EXOC6: variants seen among roughly 807,000 people sequenced by gnomAD.
The protein encoded by EXOC6 is exocyst complex component 6.
In EXOC6, 60 loss-of-function variants were observed where a neutral mutation model predicts 112.5. That is an observed-to-expected ratio of 0.53 (90% CI 0.43 to 0.66). The LOEUF is 0.66. Among genes scored for constraint, EXOC6 ranks in the 30% least tolerant of loss-of-function variants. EXOC6 has a pLI of 0.00. For missense variants in EXOC6, 855 were observed against 957.1 expected (o/e 0.89, Z 1.41); for synonymous variants, 295 against 308.0 (o/e 0.96, Z 0.44).
intron 2 of EXOC6, among the ~76,000 whole-genome samples, chr10:92,894,035 TA>T (rs1849632630): frequency 6.6e-6 from 1 of 152,192 alleles, no homozygotes. Context: ...TCAGTCAGGA[TA>T]AAAAATATTT....
rs372588662 is a variant in EXOC6, at chr10:93,048,266, A to T, written c.2170-8658A>T. On this transcript the variant is annotated intron_variant, in intron 20 of 21. Coordinates refer to ENST00000260762, the MANE Select transcript of EXOC6 (RefSeq NM_019053.6). The stretch of plus-strand genomic sequence containing the variant: ...TACCCTAGAACTTAAAGTATAATAA[A>T]AAAAAAAAATCTAAGTTACATTCAA... Among the ~76,000 whole-genome samples the T allele has an allele frequency of 7.3e-5, 11 of 150,438 alleles. No individual in the cohort carries two copies. The East Asian group carries it at 1.8e-3, about 24-fold the overall frequency.
At chr10:92,994,253 G>A (rs1351709829) in intron 18 of EXOC6, among the ~76,000 whole-genome samples, 3 of 152,188 alleles carry the variant, frequency 2.0e-5, no homozygotes, top group African/African-American at 7.2e-5. Context: ...GCCATGGAAG[G>A]ATGCATATGG....
intron 1 of EXOC6, among the ~76,000 whole-genome samples, chr10:92,851,030 A>T (rs1284506429): frequency 1.3e-5 from 2 of 152,226 alleles, no homozygotes. Flanking sequence ...CAAAAAATAA[A>T]TCAAAAGAGA....
chr10:93,055,534 C>G (rs1467002015), intron 20 of EXOC6, among the ~76,000 whole-genome samples: 2 of 152,226 alleles, frequency 1.3e-5, no homozygotes, highest in African/African-American at 4.8e-5. Flanking sequence ...CTAATTTACA[C>G]TCTTACCATC....
At chr10:92,869,953 T>TC (rs1848364147) in intron 1 of EXOC6, among the ~76,000 whole-genome samples, 3 of 146,354 alleles carry the variant, frequency 2.0e-5, no homozygotes, top group Non-Finnish European at 4.5e-5. Flanking sequence ...TGTGGGCTTT[T>TC]TTTTTTTTTT....
chr10:92,834,877 CT>C, intron 1 of EXOC6: 1 of 1,009,546 alleles, frequency 9.9e-7, no homozygotes, highest in Non-Finnish European at 1.5e-6. Context: ...TAAGGTGGTC[CT>C]TTACCCTGCT....
intron 4 of EXOC6, among the ~76,000 whole-genome samples, chr10:92,896,179 ATATTTT>A (rs1564810100): frequency 6.4e-3 from 84 of 13,064 alleles, no homozygotes; most frequent in East Asian, 0.012. Flanking sequence ...ATATATATAT[ATATTTT>A]TTTTTTTTTT....
At chr10:92,966,160 T>C (rs1842040166) in intron 17 of EXOC6, among the ~76,000 whole-genome samples, 1 of 151,994 alleles carries the variant, frequency 6.6e-6, no homozygotes, top group African/African-American at 2.4e-5. Flanking sequence ...CTAGTGACAA[T>C]AACAAAAAGC....
At chr10:92,857,939 T>C (rs2901634) in intron 1 of EXOC6, among the ~76,000 whole-genome samples, 60,434 of 151,234 alleles carry the variant, frequency 0.4, 12,508 homozygotes, top group Middle Eastern at 0.49. Context: ...TTTGTCTGTT[T>C]TTTTAAAATC....
chr10:92,858,354 A>G (rs1847727794), intron 1 of EXOC6, among the ~76,000 whole-genome samples: 1 of 152,134 alleles, frequency 6.6e-6, no homozygotes, highest in Non-Finnish European at 1.5e-5. Flanking sequence ...CATCTCATGT[A>G]TGCTGGTGTG....
intron 1 of EXOC6, among the ~76,000 whole-genome samples, chr10:92,880,517 C>G (rs148987386): frequency 3.0e-4 from 46 of 152,238 alleles, no homozygotes; most frequent in Admixed American, 7.8e-4. Context: ...TATATCCTCA[C>G]AGCACTTGTG....
At chr10:92,899,544 C>T (rs1467538145) in intron 4 of EXOC6, 55 bp from the exon 5 acceptor site, 2 of 1,231,530 alleles carry the variant, frequency 1.6e-6, no homozygotes, top group East Asian at 4.8e-5. Flanking sequence ...ATTTTCATGT[C>T]TCAAAATATT....
At chr10:92,834,680 A>C, upstream of EXOC6, 1 of 1,337,410 alleles carries the variant, frequency 7.5e-7, no homozygotes, top group Non-Finnish European at 1.0e-6. Flanking sequence ...TATAAATTAC[A>C]ACAGTTTTTC....
chr10:93,026,501 C>T (rs1201714695), intron 20 of EXOC6, among the ~76,000 whole-genome samples: 2 of 152,130 alleles, frequency 1.3e-5, no homozygotes, highest in Non-Finnish European at 2.9e-5. Context: ...TGCTTTGTTG[C>T]AATTCACAGA....
At chr10:92,885,041 ATCTT>A (rs1849144875) in intron 1 of EXOC6, among the ~76,000 whole-genome samples, 1 of 152,154 alleles carries the variant, frequency 6.6e-6, no homozygotes, top group Non-Finnish European at 1.5e-5. Flanking sequence ...TTAATGTCTT[ATCTT>A]TCTTTTTGTA....
intron 3 of EXOC6, 27 bp downstream of exon 3, chr10:92,894,868 T>C (rs1434130540): frequency 6.2e-7 from 1 of 1,612,274 alleles, no homozygotes; most frequent in Non-Finnish European, 8.5e-7. Flanking sequence ...TTTCTGGGTA[T>C]TCAGTATGTA....
intron 8 of EXOC6, among the ~76,000 whole-genome samples, chr10:92,922,003 T>C (rs1360349308): frequency 6.6e-6 from 1 of 152,110 alleles, no homozygotes; most frequent in East Asian, 1.9e-4. Flanking sequence ...TGGAATGCAG[T>C]GGTGCCATCT....
intron 1 of EXOC6, among the ~76,000 whole-genome samples, chr10:92,854,151 A>T (rs1210835610): frequency 6.6e-6 from 1 of 152,170 alleles, no homozygotes; most frequent in Admixed American, 6.5e-5. Context: ...AACAACTAAA[A>T]AAATGAGGCT....
chr10:92,896,169 A>T (rs1564809963), intron 4 of EXOC6, among the ~76,000 whole-genome samples: 1 of 24,588 alleles, frequency 4.1e-5, no homozygotes, highest in African/African-American at 2.1e-4. Flanking sequence ...ATATATATAT[A>T]TATATATATA....
Sources: gnomAD v4.1 joint callset for allele counts (sites outside exome capture counted in the v4.1 genomes callset) on GRCh38, gnomAD v4.1.1 for gene constraint, MANE v1.5 for transcripts, NCBI Gene and HGNC (gene_info 2026-07-23, HGNC 2026-07-21) for gene names.